Variants in VWF observed in about 807,000 individuals in gnomAD.
VWF encodes Factor VIII related antigen.
A neutral mutation model predicts 308.6 loss-of-function variants in VWF; 176 were observed. That is an observed-to-expected ratio of 0.57 (90% CI 0.50 to 0.65). The LOEUF (loss-of-function observed/expected upper bound fraction) is 0.65. Ranked by LOEUF, VWF falls within the 30% of genes least tolerant of loss-of-function variation. The pLI is 0.00. For synonymous variants in VWF, 1,385 were observed against 1,443.4 expected, an observed-to-expected ratio of 0.96 and a Z score of 0.92; for missense variants, 3,146 against 3,648.2, an observed-to-expected ratio of 0.86 and a Z score of 3.55.
chr12:6,038,136 G>C (rs1944358060), intron 18 of VWF, among the ~76,000 whole-genome samples: 1 of 152,196 alleles, frequency 6.6e-6, no homozygotes, highest in East Asian at 1.9e-4. Flanking sequence ...CACCTTGGTA[G>C]GAGCTGGCAG....
chr12:5,985,125 G>A lies in VWF; in HGVS notation c.6902-6C>T, dbSNP rs752321350. On this transcript the variant is annotated splice_region_variant and splice_polypyrimidine_tract_variant and intron_variant, in intron 39 of 51. Coordinates refer to ENST00000261405, the MANE Select transcript of VWF (RefSeq NM_000552.5). ...ACACAGGCCACACGTGGGAGCTAGA[G>A]GAGAGGAACGGCCACAAAAGTCAGA... 6.2e-6 allele frequency: 10 copies of A among 1,614,060 alleles called. No homozygotes were observed. Among genetic ancestry groups the A allele is most frequent in the South Asian group, 3.3e-5 (3 of 91,092 alleles).
chr12:6,055,621 G>A (rs1046240114), intron 15 of VWF, among the ~76,000 whole-genome samples: 25 of 152,144 alleles, frequency 1.6e-4, no homozygotes, highest in African/African-American at 5.5e-4. Flanking sequence ...AACATGAGTT[G>A]GCTCATTGGA....
At chr12:5,990,594 G>C (rs1177563663) in intron 38 of VWF, among the ~76,000 whole-genome samples, 2 of 152,068 alleles carry the variant, frequency 1.3e-5, no homozygotes, top group Non-Finnish European at 2.9e-5. Flanking sequence ...TAGGTCTTGA[G>C]TGCAGTCCAT....
chr12:5,969,963 T>A (rs1167380186), intron 44 of VWF, among the ~76,000 whole-genome samples: 1 of 152,198 alleles, frequency 6.6e-6, no homozygotes, highest in East Asian at 1.9e-4. Context: ...CCAGAAAATG[T>A]CACTCCGAGT....
chr12:6,048,026 C>G (rs1485383087), intron 16 of VWF, among the ~76,000 whole-genome samples: 2 of 152,252 alleles, frequency 1.3e-5, no homozygotes, highest in Non-Finnish European at 2.9e-5. Flanking sequence ...CTCAACCAGT[C>G]TATGCCTTAC....
Position 6,124,390 on chromosome 12 carries a change from A to G in VWF, c.-1+31T>C, listed in dbSNP as rs546561608. The G allele has an allele frequency of 9.8e-5, 15 of 152,368 alleles. No individual in the cohort carries two copies. In the East Asian group the frequency reaches 1.4e-3, roughly 14 times the overall value. 9.4% of individuals were successfully genotyped at this position (152,368 alleles called of 1,614,324 possible). On this transcript the variant is annotated intron_variant, in intron 1 of 51. Coordinates refer to ENST00000261405, the MANE Select transcript of VWF (RefSeq NM_000552.5). ...GTCAGTCCTGCATCTTCCTCCCACA[A>G]CTGAGCCAGCTCTCCTTCCAAAGGC...
chr12:6,072,559 G>A (rs1185193119), intron 8 of VWF, 117 bp from the exon 9 acceptor site: 3 of 805,876 alleles, frequency 3.7e-6, no homozygotes, highest in Non-Finnish European at 6.3e-6. Context: ...CAAAGAACTT[G>A]TTCTGTGGTG....
At chr12:6,110,235 G>A in intron 5 of VWF, 139 bp downstream of exon 5, 1 of 927,490 alleles carries the variant, frequency 1.1e-6, no homozygotes, top group African/African-American at 1.6e-5. Context: ...AATGCAAAGA[G>A]ATAAGGTTGG....
At chr12:5,950,807 T>TA (rs1943182220) in intron 50 of VWF, among the ~76,000 whole-genome samples, 1 of 152,162 alleles carries the variant, frequency 6.6e-6, no homozygotes, top group African/African-American at 2.4e-5. Context: ...GTTTTGTAGG[T>TA]AACAGTCTCC....
chr12:6,092,618 A>AGTGTGTGTGTGTGTGTGTGTGTGTGTGT, intron 6 of VWF, among the ~76,000 whole-genome samples: 1 of 66,218 alleles, frequency 1.5e-5, no homozygotes, highest in East Asian at 4.7e-4. Flanking sequence ...AGTGAGTGAG[A>AGTGTGTGTGTGTGTGTGTGTGTGTGTGT]GTGTGTGTGT....
chr12:6,102,150 C>A (rs748310637), intron 5 of VWF, among the ~76,000 whole-genome samples: 1 of 152,088 alleles, frequency 6.6e-6, no homozygotes, highest in Non-Finnish European at 1.5e-5. Context: ...TGTTCAAAAC[C>A]ATTACAGTCA....
chr12:6,033,641 C>T (rs11064001), intron 20 of VWF, among the ~76,000 whole-genome samples: 15,415 of 152,284 alleles, frequency 0.1, 844 homozygotes, highest in African/African-American at 0.15. Flanking sequence ...GCCTGGTCTG[C>T]ATGCCCTGTG....
intron 38 of VWF, among the ~76,000 whole-genome samples, chr12:5,986,351 C>G (rs1286626436): frequency 6.6e-6 from 1 of 152,226 alleles, no homozygotes; most frequent in Non-Finnish European, 1.5e-5. Flanking sequence ...CTGTGATTAG[C>G]ACAGGGTACA....
At chr12:6,108,186 C>T (rs1038958440) in intron 5 of VWF, among the ~76,000 whole-genome samples, 2 of 150,926 alleles carry the variant, frequency 1.3e-5, no homozygotes, top group African/African-American at 4.9e-5. Flanking sequence ...CCCAGCTACT[C>T]AGGAGGCTGA....
chr12:5,983,905 A>G (rs1479827635), intron 40 of VWF, among the ~76,000 whole-genome samples: 1 of 152,216 alleles, frequency 6.6e-6, no homozygotes, highest in East Asian at 1.9e-4. Context: ...GACAGGATAG[A>G]TGATAAATAG....
At chr12:6,073,972 C>G (rs1336241666) in intron 7 of VWF, among the ~76,000 whole-genome samples, 1 of 152,078 alleles carries the variant, frequency 6.6e-6, no homozygotes, top group Non-Finnish European at 1.5e-5. Flanking sequence ...TCGGGGGCAC[C>G]CAGGACCCCC....
intron 34 of VWF, among the ~76,000 whole-genome samples, chr12:6,001,549 G>GCCAT (rs1238880664): frequency 2.0e-5 from 3 of 152,132 alleles, no homozygotes; most frequent in Non-Finnish European, 4.4e-5. Context: ...TCACAATGAA[G>GCCAT]CCATAACAGC....
At chr12:6,025,022 C>CTTA (rs1944174696) in intron 24 of VWF, among the ~76,000 whole-genome samples, 1 of 119,714 alleles carries the variant, frequency 8.4e-6, no homozygotes, top group Admixed American at 7.9e-5. Flanking sequence ...GACTCTGTCT[C>CTTA]AAAAAAAAAA....
intron 3 of VWF, among the ~76,000 whole-genome samples, chr12:6,113,015 A>G (rs960957030): frequency 2.6e-5 from 4 of 152,158 alleles, no homozygotes; most frequent in African/African-American, 7.2e-5. Context: ...AGTTTTAATG[A>G]TATGCCAGCA....
Sources: gnomAD v4.1 joint callset for allele counts (sites outside exome capture counted in the v4.1 genomes callset) on GRCh38, gnomAD v4.1.1 for gene constraint, MANE v1.5 for transcripts, NCBI Gene and HGNC (gene_info 2026-07-23, HGNC 2026-07-21) for gene names.